SYNDIG1: variants seen among roughly 807,000 people sequenced by gnomAD.
SYNDIG1 encodes synapse differentiation-inducing gene protein 1.
In SYNDIG1, 9 loss-of-function variants were observed where a neutral mutation model predicts 19.4. The ratio of observed to expected loss-of-function variants is 0.46; its 90% confidence interval spans 0.28 to 0.81. The LOEUF (loss-of-function observed/expected upper bound fraction) is 0.81, where lower values mean the gene tolerates loss of function less well. Among genes scored for constraint, SYNDIG1 ranks in the 30% least tolerant of loss-of-function variants. SYNDIG1 has a pLI of 0.12. For synonymous variants in SYNDIG1, 141 were observed against 145.9 expected (o/e 0.97, Z 0.24); for missense variants, 311 against 343.3 (o/e 0.91, Z 0.74).
intron 1 of SYNDIG1, among the ~76,000 whole-genome samples, chr20:24,517,683 T>C: frequency 6.9e-6 from 1 of 144,816 alleles, no homozygotes; most frequent in South Asian, 2.1e-4. Flanking sequence ...TGTGTATATG[T>C]ATATATATAT....
At chr20:24,562,499 T>A (rs1308648439) in intron 2 of SYNDIG1, among the ~76,000 whole-genome samples, 1 of 152,198 alleles carries the variant, frequency 6.6e-6, no homozygotes, top group Non-Finnish European at 1.5e-5. Flanking sequence ...AAAATCAATA[T>A]CTTTACACTA....
intron 2 of SYNDIG1, among the ~76,000 whole-genome samples, chr20:24,555,899 G>A (rs1286733230): frequency 6.6e-6 from 1 of 152,158 alleles, no homozygotes; most frequent in Non-Finnish European, 1.5e-5. Flanking sequence ...AATGTTGACA[G>A]TGGGGTGTTA....
intron 3 of SYNDIG1, among the ~76,000 whole-genome samples, chr20:24,632,957 T>C: frequency 6.6e-6 from 1 of 152,116 alleles, no homozygotes; most frequent in East Asian, 1.9e-4. Context: ...GTTTGTTTTT[T>C]TTTTTTTTTC....
chr20:24,497,159 T>A (rs1460969767), intron 1 of SYNDIG1, among the ~76,000 whole-genome samples: 1 of 152,216 alleles, frequency 6.6e-6, no homozygotes, highest in Non-Finnish European at 1.5e-5. Flanking sequence ...TCTGCTTCTC[T>A]CTTTTTCTTT....
chr20:24,558,848 G>A (rs188194586), intron 2 of SYNDIG1, among the ~76,000 whole-genome samples: 4 of 152,244 alleles, frequency 2.6e-5, no homozygotes, highest in Admixed American at 1.3e-4. Flanking sequence ...ATACTGTCAT[G>A]TATGTATTTC....
chr20:24,481,946 A>T (rs2055809587), intron 1 of SYNDIG1, among the ~76,000 whole-genome samples: 1 of 152,114 alleles, frequency 6.6e-6, no homozygotes, highest in Non-Finnish European at 1.5e-5. Context: ...ATAAAGATTA[A>T]ATATATATAT....
At chr20:24,593,485 G>C (rs986048898) in intron 3 of SYNDIG1, among the ~76,000 whole-genome samples, 5 of 152,084 alleles carry the variant, frequency 3.3e-5, no homozygotes, top group Non-Finnish European at 5.9e-5. Flanking sequence ...TGGGAATAGT[G>C]CTATGATGAA....
chr20:24,493,074 G>GA (rs1303740331), intron 1 of SYNDIG1, among the ~76,000 whole-genome samples: 1 of 152,204 alleles, frequency 6.6e-6, no homozygotes, highest in Admixed American at 6.5e-5. Flanking sequence ...AAAATTTAGG[G>GA]AAACCTTTGA....
chr20:24,621,718 C>G (rs1223059538), intron 3 of SYNDIG1, among the ~76,000 whole-genome samples: 1 of 152,152 alleles, frequency 6.6e-6, no homozygotes, highest in East Asian at 1.9e-4. Context: ...CATGTCCTTC[C>G]CTATGCCCTA....
At position 24,584,848 on chromosome 20, in the gene SYNDIG1, T is replaced by C. The variant is rs774561042; in HGVS notation, c.481-8T>C. On this transcript the variant is annotated splice_polypyrimidine_tract_variant and splice_region_variant and intron_variant, in intron 2 of 3. Coordinates refer to ENST00000376862, the MANE Select transcript of SYNDIG1 (RefSeq NM_024893.3). ...CTCCTGTCCTGTCCTGCTGGTTCTC[T>C]CTTGCAGAGCGACTACTCAAGCGAC... 6.2e-7 allele frequency: 1 copy of C among 1,614,124 alleles called. No individual in the cohort carries two copies. Among genetic ancestry groups the C allele is most frequent in the Non-Finnish European group, 8.5e-7 (1 of 1,180,024 alleles).
intron 1 of SYNDIG1, among the ~76,000 whole-genome samples, chr20:24,520,556 T>C (rs2056982479): frequency 6.6e-6 from 1 of 151,878 alleles, no homozygotes; most frequent in South Asian, 2.1e-4. Context: ...AGCTTGGTGT[T>C]GTGGTGTGCG....
chr20:24,480,149 C>T (rs2055756633), intron 1 of SYNDIG1, among the ~76,000 whole-genome samples: 2 of 152,228 alleles, frequency 1.3e-5, no homozygotes, highest in Non-Finnish European at 2.9e-5. Flanking sequence ...CCAAGTTTGG[C>T]ATCCCCGCTT....
chr20:24,583,043 A>T (rs1458846193), intron 2 of SYNDIG1, among the ~76,000 whole-genome samples: 1 of 152,366 alleles, frequency 6.6e-6, no homozygotes, highest in East Asian at 1.9e-4. Context: ...GACTGATCCC[A>T]TGAAAATATG....
chr20:24,650,797 G>A (rs2059463569), intron 3 of SYNDIG1, among the ~76,000 whole-genome samples: 1 of 151,980 alleles, frequency 6.6e-6, no homozygotes, highest in South Asian at 2.1e-4. Flanking sequence ...TGGCTCCCAA[G>A]GGCTCCCAAG....
At chr20:24,646,383 T>C (rs1259216008) in intron 3 of SYNDIG1, among the ~76,000 whole-genome samples, 1 of 152,150 alleles carries the variant, frequency 6.6e-6, no homozygotes, top group Non-Finnish European at 1.5e-5. Context: ...TGGGGCCTGG[T>C]GGAAAGCCTT....
In SYNDIG1 at chr20:24,665,546, T is replaced by C. The variant is rs375066537; in HGVS notation, c.*42T>C. ...GGGGGAGCACCCGGGGCCAGGTCTG[T>C]GTGGACGTGGAGGAAGCAGGCATAC... On this transcript the variant is annotated 3_prime_UTR_variant, in exon 4 of 4. Coordinates refer to ENST00000376862, the MANE Select transcript of SYNDIG1 (RefSeq NM_024893.3). 7 of 1,610,678 alleles carry C rather than the reference T, an allele frequency of 4.3e-6. No homozygotes were observed. The highest frequency in any genetic ancestry group is 1.3e-5 in the African/African-American group (1 of 74,672).
intron 1 of SYNDIG1, among the ~76,000 whole-genome samples, chr20:24,477,473 G>T (rs1226225441): frequency 6.6e-6 from 1 of 152,130 alleles, no homozygotes; most frequent in Admixed American, 6.5e-5. Context: ...CAGCTAGTCT[G>T]TTCTGCTACT....
At chr20:24,619,961 G>A (rs2059014072) in intron 3 of SYNDIG1, among the ~76,000 whole-genome samples, 1 of 152,188 alleles carries the variant, frequency 6.6e-6, no homozygotes, top group South Asian at 2.1e-4. Flanking sequence ...CTGAGGCCGT[G>A]GGAGTTTAAA....
At chr20:24,586,647 T>G (rs1005277324) in intron 3 of SYNDIG1, among the ~76,000 whole-genome samples, 3 of 152,152 alleles carry the variant, frequency 2.0e-5, no homozygotes, top group African/African-American at 4.8e-5. Flanking sequence ...AAGCCTCCCT[T>G]GTACACTCCA....
Sources: gnomAD v4.1 joint callset for allele counts (sites outside exome capture counted in the v4.1 genomes callset) on GRCh38, gnomAD v4.1.1 for gene constraint, MANE v1.5 for transcripts, NCBI Gene and HGNC (gene_info 2026-07-23, HGNC 2026-07-21) for gene names.